Variants in ANK3 observed in about 807,000 individuals in gnomAD.
ANK3 encodes ankyrin-3.
Under a neutral mutation model 370.9 loss-of-function variants are expected in ANK3, and 57 were observed. The observed-to-expected ratio is 0.15, with a 90% CI of 0.12 to 0.19. ANK3 has a LOEUF of 0.19. ANK3 is among the 10% of genes least tolerant of loss of function. The probability of loss-of-function intolerance (pLI) is 1.00; values close to 1 mark genes in which losing one functional copy is unlikely to be tolerated. For synonymous variants in ANK3, 1,929 were observed against 1,946.3 expected (o/e 0.99, Z 0.23); for missense variants, 4,439 against 5,302.1 (o/e 0.84, Z 5.06).
intron 7 of ANK3, among the ~76,000 whole-genome samples, chr10:60,249,716 A>T (rs971961724): frequency 3.9e-5 from 6 of 152,204 alleles, no homozygotes; most frequent in Non-Finnish European, 5.9e-5. Context: ...TGTCCTAAGG[A>T]GCTGGAGCTA....
chr10:60,574,751 A>G (rs1286547258), intron 2 of ANK3, among the ~76,000 whole-genome samples: 1 of 152,176 alleles, frequency 6.6e-6, no homozygotes, highest in Admixed American at 6.5e-5. Flanking sequence ...ATTCTTCATA[A>G]GCTGAAGAGT....
chr10:60,584,899 A>G (rs2077809752), intron 2 of ANK3, among the ~76,000 whole-genome samples: 1 of 152,158 alleles, frequency 6.6e-6, no homozygotes, highest in Admixed American at 6.5e-5. Flanking sequence ...AAGGTCACCA[A>G]GGCCCAGTGG....
chr10:60,725,513 G>T (rs1245876560), intron 1 of ANK3, among the ~76,000 whole-genome samples: 1 of 152,094 alleles, frequency 6.6e-6, no homozygotes, highest in Non-Finnish European at 1.5e-5. Flanking sequence ...ACCAGCACAC[G>T]CAAGGCTTCC....
In ANK3 at chr10:60,074,684, C is replaced by A; in HGVS notation, c.6197G>T (p.Arg2066Ile). ...AKKDGEERQK[R>I]VLKPAIALQE... ...CAAAGCAATTGCTGGTTTTAAAACT[C>A]TTTTCTGTCTCTCCTCACCATCCTT... The change falls in exon 37 of 44, where the codon AGA becomes ATA. Residue 2066 changes from arginine to isoleucine, a missense_variant. By Grantham distance (97) the Arg-to-Ile change is moderately conservative (BLOSUM62 -3). Transcript: ENST00000280772. 1.2e-6 allele frequency: 2 copies of A among 1,613,468 alleles called. No individual in the cohort carries two copies. The highest frequency in any genetic ancestry group is 1.7e-6 in the Non-Finnish European group (2 of 1,179,852).
At chr10:60,342,868 T>C (rs1007145070) in intron 1 of ANK3, among the ~76,000 whole-genome samples, 1 of 152,222 alleles carries the variant, frequency 6.6e-6, no homozygotes, top group African/African-American at 2.4e-5. Context: ...AAATGCTATA[T>C]ACCAATCCCT....
At chr10:60,361,883 T>C (rs904012508) in intron 1 of ANK3, among the ~76,000 whole-genome samples, 12 of 152,236 alleles carry the variant, frequency 7.9e-5, no homozygotes, top group Admixed American at 7.9e-4. Flanking sequence ...GGGAAAATTA[T>C]GTTTTGTGAA....
At position 60,716,098 on chromosome 10, in the gene ANK3, C is replaced by T. The variant is rs983406109; in HGVS notation, c.57+17165G>A. ...TTTTTCTTGTGTACCTATTACCAGACATGAATATTACATGAAAATAATTCC... is the reference window on the plus strand; with the variant it reads ...TTTTTCTTGTGTACCTATTACCAGATATGAATATTACATGAAAATAATTCC... On this transcript the variant is annotated intron_variant, in intron 1 of 43. Coordinates refer to the ANK3 transcript ENST00000373827. Among the ~76,000 whole-genome samples the T allele has an allele frequency of 4.4e-4, 67 of 152,040 alleles. 1 individual carries two copies. The highest frequency in any genetic ancestry group is 1.7e-4 in the African/African-American group (7 of 41,396).
chr10:60,681,470 T>C (rs1211525786), intron 1 of ANK3, among the ~76,000 whole-genome samples: 1 of 152,158 alleles, frequency 6.6e-6, no homozygotes, highest in Non-Finnish European at 1.5e-5. Context: ...GCAAACATCA[T>C]TTTCTCTGGA....
intron 2 of ANK3, among the ~76,000 whole-genome samples, chr10:60,515,893 C>A (rs2133171770): frequency 1.3e-5 from 2 of 152,092 alleles, no homozygotes; most frequent in Admixed American, 1.3e-4. Flanking sequence ...TGTACCAGGC[C>A]CAGTGCTAAG....
chr10:60,108,501 A>G (rs1272754435), intron 27 of ANK3, among the ~76,000 whole-genome samples: 1 of 152,180 alleles, frequency 6.6e-6, no homozygotes, highest in African/African-American at 2.4e-5. Flanking sequence ...CATATATTCA[A>G]TGCGGTAAAA....
chr10:60,677,384 G>C (rs2079138768), intron 1 of ANK3, among the ~76,000 whole-genome samples: 1 of 152,146 alleles, frequency 6.6e-6, no homozygotes, highest in African/African-American at 2.4e-5. Flanking sequence ...ATTTAAATCA[G>C]TACATGCTAC....
intron 1 of ANK3, among the ~76,000 whole-genome samples, chr10:60,322,565 T>C (rs1351107270): frequency 6.6e-6 from 1 of 152,188 alleles, no homozygotes; most frequent in Non-Finnish European, 1.5e-5. Context: ...GTAGCATCCT[T>C]TTATCCCTTT....
intron 1 of ANK3, among the ~76,000 whole-genome samples, chr10:60,680,894 A>G (rs1010988257): frequency 1.3e-5 from 2 of 152,198 alleles, no homozygotes; most frequent in Non-Finnish European, 2.9e-5. Context: ...AGTAGTAACT[A>G]TCTCATAAGG....
At chr10:60,563,377 C>G (rs1204925224) in intron 2 of ANK3, among the ~76,000 whole-genome samples, 1 of 152,128 alleles carries the variant, frequency 6.6e-6, no homozygotes, top group Admixed American at 6.5e-5. Context: ...GCTCCCAGTC[C>G]CAGCTCAGAA....
intron 2 of ANK3, among the ~76,000 whole-genome samples, chr10:60,514,573 C>G (rs546286366): frequency 6.6e-6 from 1 of 152,104 alleles, no homozygotes; most frequent in Non-Finnish European, 1.5e-5. Flanking sequence ...AAGCTCTTTT[C>G]TATTTGAGTT....
intron 28 of ANK3, among the ~76,000 whole-genome samples, chr10:60,099,910 GCC>G (rs2090872860): frequency 6.6e-6 from 1 of 151,568 alleles, no homozygotes; most frequent in Non-Finnish European, 1.5e-5. Flanking sequence ...CTGCTTCACT[GCC>G]CTCAGAGGGC....
At chr10:60,338,385 C>G (rs141504771) in intron 1 of ANK3, among the ~76,000 whole-genome samples, 106 of 152,250 alleles carry the variant, frequency 7.0e-4, no homozygotes, top group African/African-American at 2.5e-3. Context: ...ATTCAATACA[C>G]CTGGACTGGA....
At chr10:60,152,597 C>T (rs2095180313) in intron 23 of ANK3, among the ~76,000 whole-genome samples, 1 of 152,032 alleles carries the variant, frequency 6.6e-6, no homozygotes, top group Non-Finnish European at 1.5e-5. Context: ...CAATATAAAG[C>T]CTTGCGTGGG....
intron 2 of ANK3, among the ~76,000 whole-genome samples, chr10:60,459,227 T>G (rs796525458): frequency 4.6e-5 from 7 of 152,270 alleles, no homozygotes; most frequent in African/African-American, 1.7e-4. Flanking sequence ...TCTCTTGGTC[T>G]GAGGGTGAAA....
Sources: gnomAD v4.1 joint callset for allele counts (sites outside exome capture counted in the v4.1 genomes callset) on GRCh38, gnomAD v4.1.1 for gene constraint, MANE v1.5 for transcripts, NCBI Gene and HGNC (gene_info 2026-07-23, HGNC 2026-07-21) for gene names.